CADPS: variants seen among roughly 807,000 people sequenced by gnomAD.
CADPS encodes the protein calcium-dependent secretion activator 1.
CADPS carries 57 observed loss-of-function variants against 167.3 expected under a neutral mutation model. The ratio of observed to expected loss-of-function variants is 0.34; its 90% CI spans 0.28 to 0.42. The LOEUF is 0.42. CADPS is among the 20% of genes least tolerant of loss of function. The pLI is 1.00. For missense variants in CADPS, 1,414 were observed against 1,738.1 expected, an observed-to-expected ratio of 0.81 and a Z score of 3.32; for synonymous variants, 676 against 635.3, an observed-to-expected ratio of 1.06 and a Z score of -0.96.
At chr3:62,541,270 T>C (rs144367405) in intron 11 of CADPS, among the ~76,000 whole-genome samples, 13 of 152,304 alleles carry the variant, frequency 8.5e-5, no homozygotes, top group Non-Finnish European at 1.2e-4. Flanking sequence ...GATGTACTGA[T>C]GTACTGACAG....
chr3:62,431,918 T>C (rs760580126), intron 28 of CADPS, among the ~76,000 whole-genome samples: 2 of 151,818 alleles, frequency 1.3e-5, no homozygotes, highest in Non-Finnish European at 2.9e-5. Flanking sequence ...GATAATGATA[T>C]GTGGGTGCTG....
chr3:62,698,170 TATC>T (rs2151465656), intron 3 of CADPS, among the ~76,000 whole-genome samples: 1 of 152,254 alleles, frequency 6.6e-6, no homozygotes, highest in South Asian at 2.1e-4. Context: ...AGACAGAAAG[TATC>T]ATTCAGAGAG....
chr3:62,851,255 G>C (rs1389198785), intron 1 of CADPS, among the ~76,000 whole-genome samples: 59 of 137,908 alleles, frequency 4.3e-4, no homozygotes, highest in Non-Finnish European at 5.3e-4. Flanking sequence ...CTTTTAATTG[G>C]AGAATTTAGT....
chr3:62,719,470 C>T (rs949353783), intron 3 of CADPS, among the ~76,000 whole-genome samples: 1 of 152,182 alleles, frequency 6.6e-6, no homozygotes, highest in East Asian at 1.9e-4. Flanking sequence ...GAGTTTTAAT[C>T]TCAGTGTACA....
At chr3:62,747,507 C>A (rs77347130) in intron 3 of CADPS, among the ~76,000 whole-genome samples, 1 of 152,152 alleles carries the variant, frequency 6.6e-6, no homozygotes, top group East Asian at 1.9e-4. Context: ...ATCTGAAAAG[C>A]TGCCATGTGT....
chr3:62,640,712 G>T (rs2067243376), intron 6 of CADPS, among the ~76,000 whole-genome samples: 2 of 152,122 alleles, frequency 1.3e-5, no homozygotes, highest in South Asian at 4.1e-4. Flanking sequence ...ATGCCAAGTG[G>T]CATCTTTGGT....
At chr3:62,552,053 G>C (rs1215245007) in intron 10 of CADPS, among the ~76,000 whole-genome samples, 2 of 152,070 alleles carry the variant, frequency 1.3e-5, no homozygotes, top group Non-Finnish European at 2.9e-5. Flanking sequence ...ATGGCACATA[G>C]TGGGTGCACA....
At chr3:62,704,668 G>A (rs2082013661) in intron 3 of CADPS, among the ~76,000 whole-genome samples, 1 of 152,024 alleles carries the variant, frequency 6.6e-6, no homozygotes, top group Non-Finnish European at 1.5e-5. Context: ...GGATTATTTG[G>A]GATGGTTTAT....
intron 6 of CADPS, among the ~76,000 whole-genome samples, chr3:62,637,321 C>G (rs776092477): frequency 6.6e-6 from 1 of 152,166 alleles, no homozygotes; most frequent in Non-Finnish European, 1.5e-5. Context: ...ATGGTTCCAG[C>G]TAGTTCAGTG....
intron 3 of CADPS, among the ~76,000 whole-genome samples, chr3:62,707,270 T>G (rs1027333161): frequency 1.3e-5 from 2 of 152,078 alleles, no homozygotes; most frequent in African/African-American, 4.8e-5. Flanking sequence ...CTTATGAGAA[T>G]CTAACTAATG....
At chr3:62,868,628 T>A (rs1338908163) in intron 1 of CADPS, among the ~76,000 whole-genome samples, 1 of 152,132 alleles carries the variant, frequency 6.6e-6, no homozygotes. Flanking sequence ...CAGTTTGCAA[T>A]CTCTCATGTA....
intron 21 of CADPS, among the ~76,000 whole-genome samples, chr3:62,483,178 T>G (rs1331092816): frequency 6.6e-6 from 1 of 151,476 alleles, no homozygotes; most frequent in Non-Finnish European, 1.5e-5. Context: ...GGACTTGAGG[T>G]TCTCTTTTTG....
intron 1 of CADPS, among the ~76,000 whole-genome samples, chr3:62,774,248 T>C (rs777447353): frequency 2.0e-4 from 31 of 152,116 alleles, no homozygotes; most frequent in Non-Finnish European, 3.7e-4. Flanking sequence ...AAGGTGTTCT[T>C]TAGTAGGACA....
chr3:62,856,528 G>A (rs1454281231), intron 1 of CADPS, among the ~76,000 whole-genome samples: 1 of 151,896 alleles, frequency 6.6e-6, no homozygotes, highest in Admixed American at 6.6e-5. Context: ...AAAAATGCAA[G>A]AAGAGTCATG....
chr3:62,634,715 A>G (rs1240735731), intron 6 of CADPS, among the ~76,000 whole-genome samples: 1 of 152,218 alleles, frequency 6.6e-6, no homozygotes, highest in African/African-American at 2.4e-5. Context: ...TAACTGAATA[A>G]TAAGGCCAAA....
chr3:62,456,240 C>A (rs58304486), intron 26 of CADPS, among the ~76,000 whole-genome samples: 1,959 of 152,264 alleles, frequency 0.013, 29 homozygotes, highest in African/African-American at 0.045. Context: ...GGCTGCAACC[C>A]ATGAACCATC....
chr3:62,556,290 G>A (rs1401031515), intron 10 of CADPS, among the ~76,000 whole-genome samples: 1 of 152,162 alleles, frequency 6.6e-6, no homozygotes, highest in African/African-American at 2.4e-5. Flanking sequence ...ATTCTGCTCT[G>A]GCAAGTAGCA....
chr3:62,518,210 G>T lies in CADPS; in HGVS notation c.2332C>A (p.Arg778Ser), dbSNP rs774579772. The T allele has an allele frequency of 3.1e-6, 5 of 1,612,676 alleles. No homozygotes were observed. Among genetic ancestry groups the T allele is most frequent in the Non-Finnish European group, 4.2e-6 (5 of 1,179,434 alleles). Residue 778 changes from arginine to serine, a missense_variant, in exon 14 of 30, where the codon CGT (arginine) becomes AGT (serine). Around this residue, in one of 6 missense-constraint regions of CADPS, gnomAD observed 529 missense variants for 629.6 expected, o/e 0.84. Coordinates refer to ENST00000383710, the MANE Select transcript of CADPS (RefSeq NM_003716.4). ...AGCCTCTCTTTGATTTCTTCAAAAC[G>T]TTCCTTTTCTTCAACAGTCACAGTT... Reference protein sequence around the residue: ...IGTVTVEEKERFEEIKERLRV... With the variant: ...IGTVTVEEKESFEEIKERLRV...
At chr3:62,635,475 C>A (rs549009133) in intron 6 of CADPS, among the ~76,000 whole-genome samples, 1 of 152,128 alleles carries the variant, frequency 6.6e-6, no homozygotes, top group Non-Finnish European at 1.5e-5. Context: ...GTATAGTGTG[C>A]TACTTGCTAA....
Sources: allele counts gnomAD v4.1 joint callset (sites outside exome capture counted in the v4.1 genomes callset), GRCh38; gene constraint gnomAD v4.1.1; regional missense constraint gnomAD v4.1.1; transcripts MANE v1.5; gene names NCBI Gene and HGNC (gene_info 2026-07-23, HGNC 2026-07-21).